The following TARDBP variants were observed in gnomAD, a reference collection of about 807,000 sequenced individuals.
TARDBP encodes TAR DNA-binding protein 43.
In TARDBP, 4 loss-of-function variants were observed where a neutral mutation model predicts 38.3. That is an observed-to-expected ratio of 0.10 (90% CI 0.05 to 0.24). The LOEUF (loss-of-function observed/expected upper bound fraction) is 0.24. TARDBP is among the 10% of genes least tolerant of loss of function. The probability of loss-of-function intolerance (pLI) is 1.00; values close to 1 mark genes in which losing one functional copy is unlikely to be tolerated. For missense variants in TARDBP, 202 were observed against 521.9 expected (o/e 0.39, Z 5.97); for synonymous variants, 184 against 183.8 (o/e 1.00, Z -0.01).
At chr1:11,027,669 G>A (rs200219858), downstream of TARDBP, 7 of 1,555,656 alleles carry the variant, frequency 4.5e-6, no homozygotes, top group Non-Finnish European at 8.7e-7. Context: ...AAGCAGATAG[G>A]TAGAGAGCCT....
At chr1:11,021,666 T>G (rs1000269574) in intron 5 of TARDBP, among the ~76,000 whole-genome samples, 6 of 152,174 alleles carry the variant, frequency 3.9e-5, no homozygotes, top group Non-Finnish European at 8.8e-5. Flanking sequence ...CATAGCTCAC[T>G]ACACCCTAGA....
chr1:11,030,122 A>T, downstream of TARDBP: 1 of 1,333,562 alleles, frequency 7.5e-7, no homozygotes, highest in Non-Finnish European at 1.1e-6. Context: ...ACTGTCTCCT[A>T]CCCAGTCCTC....
Position 11,013,784 on chromosome 1 carries a change from A to G in TARDBP, c.57A>G (p.Pro19=), listed in dbSNP as rs532319219. 2.1e-5 allele frequency: 34 copies of G among 1,613,798 alleles called. No homozygotes were observed. In the East Asian group the frequency reaches 6.2e-4, roughly 30 times the overall value. The change falls in exon 2 of 6, where the codon CCA becomes CCG. Residue 19 remains proline, a synonymous_variant. Transcript: ENST00000240185. ...EDENDEPIEI[P]SEDDGTVLLS... is the part of the protein sequence containing the mutation. The stretch of plus-strand genomic sequence containing the variant: ...AGAACGATGAGCCCATTGAAATACC[A>G]TCGGAAGACGATGGGACGGTGCTGC...
downstream of TARDBP, chr1:11,026,800 G>T: frequency 8.3e-7 from 1 of 1,203,314 alleles, no homozygotes; most frequent in Non-Finnish European, 1.1e-6. Flanking sequence ...CCACAGTAAT[G>T]ATGAATGCTT....
downstream of TARDBP, chr1:11,027,720 C>T (rs1297998457): frequency 4.0e-6 from 6 of 1,484,666 alleles, no homozygotes; most frequent in African/African-American, 8.5e-5. Flanking sequence ...ATTATGACCG[C>T]CTTGAAGTAT....
downstream of TARDBP, chr1:11,030,105 TCTC>T (rs1261704499): frequency 8.2e-6 from 9 of 1,102,072 alleles, no homozygotes; most frequent in Admixed American, 1.6e-4. Flanking sequence ...CAGCTAAAGC[TCTC>T]CTCACTGTCT....
rs777072801 is a variant in TARDBP at position 11,022,384 on chromosome 1, C to A, written c.975C>A (p.Ala325=). 1 of 1,613,934 alleles carries A rather than the reference C, an allele frequency of 6.2e-7. No individual in the cohort carries two copies. ...GCATTAATCCAGCCATGATGGCTGC[C>A]GCCCAGGCAGCACTACAGAGCAGTT... ...AFSINPAMMA[A]AQAALQSSWG... Residue 325 remains alanine (A), a synonymous_variant, in exon 6 of 6, where the codon GCC becomes GCA. Coordinates refer to ENST00000240185, the MANE Select transcript of TARDBP (RefSeq NM_007375.4). The surrounding 1 kb of genome is among the most constrained non-coding windows in gnomAD (Gnocchi z 4.5).
At chr1:11,016,750 T>G (rs1021078099) in intron 2 of TARDBP, 94 bp from the exon 3 acceptor site, 54 of 1,319,362 alleles carry the variant, frequency 4.1e-5, no homozygotes, top group African/African-American at 1.8e-4. Context: ...TCTTAGAGTC[T>G]TCTTTTTGCT....
downstream of TARDBP, chr1:11,026,687 C>T (rs1259380363): frequency 4.8e-6 from 2 of 418,030 alleles, no homozygotes; most frequent in Non-Finnish European, 8.3e-6. Flanking sequence ...GGTTTATGTC[C>T]CCTTGAGTCA....
At position 11,014,172 on chromosome 1, in the gene TARDBP, A is replaced by G. The variant is rs1557654627; in HGVS notation, c.238+207A>G. 3.9e-5 allele frequency among the ~76,000 whole-genome samples: 6 copies of G among 152,240 alleles called. No individual in the cohort carries two copies. In the South Asian group the frequency reaches 1.2e-3, roughly 31 times the overall value. ...ATCATTTTAAAAGAGAAAACAATGT[A>G]TTTAAAAAATATCTGAATAAACTTT... On this transcript the variant is annotated intron_variant, in intron 2 of 5. Coordinates refer to ENST00000240185, the MANE Select transcript of TARDBP (RefSeq NM_007375.4).
At chr1:11,020,750 CAAAA>C (rs57781131) in intron 5 of TARDBP, 151 bp downstream of exon 5, 28 of 501,902 alleles carry the variant, frequency 5.6e-5, no homozygotes, top group Admixed American at 2.1e-4. Context: ...TATTAAAATA[CAAAA>C]AAAAAAAAAA....
downstream of TARDBP, chr1:11,030,440 C>G (rs1399716043): frequency 5.1e-6 from 3 of 589,324 alleles, no homozygotes; most frequent in Admixed American, 1.0e-4. Flanking sequence ...AAGTGGAAAC[C>G]TTTTAGATGT....
At chr1:11,030,138 C>T (rs756585502), downstream of TARDBP, 14 of 1,478,670 alleles carry the variant, frequency 9.5e-6, no homozygotes, top group South Asian at 4.6e-5. Flanking sequence ...TCCTCCTTTC[C>T]ATCAATTACC....
At chr1:11,013,598 G>C (rs1162588525) in intron 1 of TARDBP, 118 bp from the exon 2 acceptor site, 14 of 838,106 alleles carry the variant, frequency 1.7e-5, no homozygotes, top group Middle Eastern at 4.5e-4. Flanking sequence ...ATGCATATAC[G>C]AATCCAGACA....
At chr1:11,015,073 C>T (rs1366705169) in intron 2 of TARDBP, among the ~76,000 whole-genome samples, 1 of 151,316 alleles carries the variant, frequency 6.6e-6, no homozygotes, top group Non-Finnish European at 1.5e-5. Flanking sequence ...CGCCGCTACA[C>T]TCCAACCTGT....
rs80356716 is a variant in TARDBP, at chr1:11,013,922, T to G, written c.195T>G (p.Asp65Glu). 1 of 1,614,208 alleles carries G rather than the reference T, an allele frequency of 6.2e-7. No homozygotes were observed. The highest frequency in any genetic ancestry group is 1.3e-5 in the African/African-American group (1 of 75,040). The change falls in exon 2 of 6, where the codon GAT (aspartate) becomes GAG (glutamate). Residue 65 changes from aspartate to glutamate, a missense_variant. Physicochemically the swap from Asp to Glu is conservative, Grantham distance 45. Transcript: ENST00000240185. ...RLVEGILHAP[D>E]AGWGNLVYVV... ...TAGAAGGAATTCTGCATGCCCCAGA[T>G]GCTGGCTGGGGAAATCTGGTGTATG... is the stretch of plus-strand genomic sequence containing the variant.
chr1:11,027,422 A>T (rs1370016686), downstream of TARDBP: 2 of 1,614,226 alleles, frequency 1.2e-6, no homozygotes, highest in Non-Finnish European at 1.7e-6. Context: ...CTTGTGTATA[A>T]TGAGGTGATA....
At chr1:11,027,567 A>G, downstream of TARDBP, 1 of 1,614,194 alleles carries the variant, frequency 6.2e-7, no homozygotes, top group African/African-American at 1.3e-5. Context: ...TAATATCAGG[A>G]CTTGCCAAGG....
At chr1:11,012,825 C>T (rs919756698) in intron 1 of TARDBP, 82 bp downstream of exon 1, 8 of 152,528 alleles carry the variant, frequency 5.2e-5, no homozygotes, top group East Asian at 3.9e-4. Context: ...GACGCAGCGG[C>T]TTCGGACCCT....
Sources: allele counts gnomAD v4.1 joint callset (sites outside exome capture counted in the v4.1 genomes callset), GRCh38; gene constraint gnomAD v4.1.1; non-coding constraint Gnocchi (gnomAD v3.1); transcripts MANE v1.5; gene names NCBI Gene and HGNC (gene_info 2026-07-23, HGNC 2026-07-21).